The following LINGO2 variants were observed in gnomAD, a reference collection of about 807,000 sequenced individuals.
The protein encoded by LINGO2 is leucine rich repeat and Ig domain containing 2, also known as leucine-rich repeat and immunoglobulin-like domain-containing nogo receptor-interacting protein 2.
LINGO2 carries 14 observed loss-of-function variants against 30.6 expected under a neutral mutation model. The observed-to-expected ratio is 0.46, with a 90% CI of 0.30 to 0.72. The LOEUF (loss-of-function observed/expected upper bound fraction) is 0.72, where lower values mean the gene tolerates loss of function less well. Ranked by LOEUF, LINGO2 falls within the 30% of genes least tolerant of loss-of-function variation. LINGO2 has a pLI of 0.07. For missense variants in LINGO2, 729 were observed against 751.7 expected, an observed-to-expected ratio of 0.97 and a Z score of 0.35; for synonymous variants, 317 against 288.5, an observed-to-expected ratio of 1.10 and a Z score of -1.00.
the LINGO2 span, among the ~76,000 whole-genome samples, chr9:28,878,618 A>C: frequency 5.3e-5 from 8 of 152,198 alleles, no homozygotes; most frequent in Non-Finnish European, 1.0e-4. Flanking sequence ...AATCCAGCAG[A>C]ATATCAAAAA....
the LINGO2 span, among the ~76,000 whole-genome samples, chr9:28,700,826 T>C: frequency 1.3e-5 from 2 of 152,122 alleles, no homozygotes; most frequent in Non-Finnish European, 2.9e-5. Context: ...GTTGTCACCA[T>C]TCTGGATTTT....
chr9:28,916,829 A>C, the LINGO2 span, among the ~76,000 whole-genome samples: 2 of 152,196 alleles, frequency 1.3e-5, no homozygotes, highest in African/African-American at 4.8e-5. Context: ...GTTCCATTTT[A>C]AATAGGTGTA....
chr9:28,884,451 A>G, the LINGO2 span, among the ~76,000 whole-genome samples: 1 of 152,148 alleles, frequency 6.6e-6, no homozygotes, highest in East Asian at 1.9e-4. Flanking sequence ...GAGACTTACT[A>G]TCGAAAAGAA....
chr9:29,187,695 A>G, the LINGO2 span, among the ~76,000 whole-genome samples: 3 of 152,136 alleles, frequency 2.0e-5, no homozygotes, highest in Non-Finnish European at 4.4e-5. Flanking sequence ...GTACATATAT[A>G]AAAATTAATC....
chr9:28,848,544 C>G, the LINGO2 span, among the ~76,000 whole-genome samples: 2 of 149,458 alleles, frequency 1.3e-5, no homozygotes, highest in Non-Finnish European at 3.0e-5. Context: ...GGCATTTCAA[C>G]TTTTCTGCTT....
intron 4 of LINGO2, among the ~76,000 whole-genome samples, chr9:28,104,285 T>TTTTTTTTTTTTTTTTC (rs1826513100): frequency 6.8e-6 from 1 of 147,900 alleles, no homozygotes; most frequent in African/African-American, 2.5e-5. Context: ...TTTTTTTTTT[T>TTTTTTTTTTTTTTTTC]TGCTTTTTTT....
At chr9:28,632,725 T>C (rs897790572) in intron 1 of LINGO2, among the ~76,000 whole-genome samples, 3 of 138,748 alleles carry the variant, frequency 2.2e-5, no homozygotes, top group African/African-American at 5.5e-5. Context: ...TAGATCTATA[T>C]ATAGATCTAT....
chr9:28,510,682 A>ATGTGTGTG (rs55645356), intron 1 of LINGO2, among the ~76,000 whole-genome samples: 49 of 150,406 alleles, frequency 3.3e-4, no homozygotes, highest in African/African-American at 1.1e-3. Context: ...CTGTATATAT[A>ATGTGTGTG]TGTGTGTGTG....
chr9:28,031,481 T>TACAA (rs78752247), intron 4 of LINGO2, among the ~76,000 whole-genome samples: 24,471 of 152,032 alleles, frequency 0.16, 2,102 homozygotes, highest in South Asian at 0.26. Flanking sequence ...TCCATCACCT[T>TACAA]ACAAATTTCT....
chr9:28,057,876 C>T (rs1443724914), intron 4 of LINGO2, among the ~76,000 whole-genome samples: 1 of 151,982 alleles, frequency 6.6e-6, no homozygotes, highest in Non-Finnish European at 1.5e-5. Context: ...TCAGCTCAAG[C>T]GTTGTCACCT....
chr9:29,189,347 C>G, the LINGO2 span, among the ~76,000 whole-genome samples: 1 of 150,716 alleles, frequency 6.6e-6, no homozygotes, highest in Non-Finnish European at 1.5e-5. Context: ...GGGTGGCTGC[C>G]GGATGGAGGG....
intron 4 of LINGO2, among the ~76,000 whole-genome samples, chr9:28,189,533 G>A (rs192330037): frequency 0.014 from 30 of 2,122 alleles, no homozygotes; most frequent in Admixed American, 0.021. Context: ...GGAAGGGAGG[G>A]AGGGAGGGAG....
the LINGO2 span, among the ~76,000 whole-genome samples, chr9:29,094,801 T>A: frequency 7.2e-6 from 1 of 139,392 alleles, no homozygotes; most frequent in Non-Finnish European, 1.6e-5. Flanking sequence ...TTTTACCAGT[T>A]TTAAATGTGT....
At chr9:28,342,473 C>G (rs1819383142) in intron 3 of LINGO2, among the ~76,000 whole-genome samples, 1 of 152,146 alleles carries the variant, frequency 6.6e-6, no homozygotes, top group African/African-American at 2.4e-5. Context: ...AGCCCACCAG[C>G]AGTCAGTGGT....
At chr9:29,107,430 G>C in the LINGO2 span, among the ~76,000 whole-genome samples, 1 of 152,062 alleles carries the variant, frequency 6.6e-6, no homozygotes, top group Admixed American at 6.5e-5. Context: ...TGCAGTTAAG[G>C]CTTTGGAGTC....
chr9:28,990,990 T>C, the LINGO2 span, among the ~76,000 whole-genome samples: 3 of 152,174 alleles, frequency 2.0e-5, no homozygotes, highest in Non-Finnish European at 4.4e-5. Flanking sequence ...AGTTCCTCAC[T>C]AGCAATGGAA....
At chr9:28,952,798 C>T in the LINGO2 span, among the ~76,000 whole-genome samples, 430 of 152,240 alleles carry the variant, frequency 2.8e-3, 2 homozygotes, top group African/African-American at 9.7e-3. Context: ...CAAGCTGAGC[C>T]TCAGATCAAA....
chr9:28,708,547 C>G, the LINGO2 span, among the ~76,000 whole-genome samples: 1 of 152,046 alleles, frequency 6.6e-6, no homozygotes, highest in Non-Finnish European at 1.5e-5. Flanking sequence ...GGGGGGAGAA[C>G]TTGGTTAACC....
intron 3 of LINGO2, among the ~76,000 whole-genome samples, chr9:28,371,856 T>C (rs1820911583): frequency 6.6e-6 from 1 of 152,152 alleles, no homozygotes; most frequent in Non-Finnish European, 1.5e-5. Context: ...AGGGAAACTA[T>C]GCTCATTTAT....
Sources: gnomAD v4.1 joint callset for allele counts (sites outside exome capture counted in the v4.1 genomes callset) on GRCh38, gnomAD v4.1.1 for gene constraint, MANE v1.5 for transcripts, NCBI Gene and HGNC (gene_info 2026-07-23, HGNC 2026-07-21) for gene names.